LTN1: variants seen among roughly 807,000 people sequenced by gnomAD.
LTN1 encodes the protein listerin E3 ubiquitin protein ligase 1.
Under a neutral mutation model 201.2 loss-of-function variants are expected in LTN1, and 88 were observed. That is an observed-to-expected ratio of 0.44 (90% CI 0.37 to 0.52). The LOEUF is 0.52. Ranked by LOEUF, LTN1 falls within the 20% of genes least tolerant of loss-of-function variation. The pLI is 0.00. For missense variants in LTN1, 1,752 were observed against 2,038.7 expected, an observed-to-expected ratio of 0.86 and a Z score of 2.71; for synonymous variants, 645 against 713.5, an observed-to-expected ratio of 0.90 and a Z score of 1.53.
chr21:28,943,460 T>C, intron 23 of LTN1, 124 bp from the exon 24 acceptor site: 1 of 693,882 alleles, frequency 1.4e-6, no homozygotes, highest in Non-Finnish European at 2.4e-6. Context: ...TTCTTTAAAA[T>C]AACTACTATA....
intron 26 of LTN1, among the ~76,000 whole-genome samples, chr21:28,936,194 T>A (rs534863017): frequency 6.6e-6 from 1 of 152,222 alleles, no homozygotes; most frequent in African/African-American, 2.4e-5. Context: ...TCAGCTCACA[T>A]GTGAGCTCCC....
chr21:28,970,652 T>A lies in LTN1; in HGVS notation c.1075A>T (p.Ile359Leu). The change falls in exon 8 of 30, where the codon ATA (isoleucine) becomes TTA (leucine). Residue 359 changes from isoleucine to leucine, a missense_variant. Transcript: ENST00000361371. Reference sequence around the variant, plus strand: ...ATGAATGGCAGAAGGTAAGGATATATGACAGTAGCTAGACCCCGACCACCT... The same window carrying A: ...ATGAATGGCAGAAGGTAAGGATATAAGACAGTAGCTAGACCCCGACCACCT... ...REGGRGLATV[I>L]YPYLLPFISK... is the part of the protein sequence containing the mutation. The A allele has an allele frequency of 6.2e-7, 1 of 1,613,872 alleles. No homozygotes were observed. Among genetic ancestry groups the A allele is most frequent in the Non-Finnish European group, 8.5e-7 (1 of 1,179,782 alleles).
Position 28,959,451 on chromosome 21 carries a change from C to G in LTN1, c.2593+7G>C. 1.2e-6 allele frequency: 2 copies of G among 1,611,610 alleles called. No individual in the cohort carries two copies. Among genetic ancestry groups the G allele is most frequent in the Non-Finnish European group, 1.7e-6 (2 of 1,178,424 alleles). The stretch of plus-strand genomic sequence containing the variant: ...CCCAACAAAACATTTGAGCAGTAGG[C>G]TATTACCTGGCAAATGTGTTTTTTC... On this transcript the variant is annotated splice_region_variant and intron_variant, in intron 13 of 29. Transcript: ENST00000361371.
rs201222874 is a variant in LTN1, at chr21:28,967,072, C to G, written c.1419G>C (p.Thr473=). 1.3e-4 allele frequency: 217 copies of G among 1,613,952 alleles called. No homozygotes were observed. Among genetic ancestry groups the G allele is most frequent in the Non-Finnish European group, 1.8e-4 (210 of 1,179,998 alleles). The change falls in exon 10 of 30, where the codon ACG becomes ACC. Residue 473 remains threonine, a synonymous_variant. Coordinates refer to ENST00000361371, the MANE Select transcript of LTN1 (RefSeq NM_015565.3). ...TLSSWEAKAD[T]EKDEKTAHNL... ...TGTGAGCTGTTTTTTCATCTTTTTC[C>G]GTGTCTGCTTTGGCTTCCCAGGAAC... is the stretch of plus-strand genomic sequence containing the variant.
rs765432022 is a variant in LTN1 at position 28,975,396 on chromosome 21, A to G, written c.811-3952T>C. ...CCCATAAACATATTAAAAGATATTC[A>G]ACATCATTAGTCATCAGGGAAATGC... On this transcript the variant is annotated intron_variant, in intron 6 of 29. Transcript: ENST00000361371. Among the ~76,000 whole-genome samples the G allele has an allele frequency of 4.7e-4, 71 of 152,250 alleles. 1 individual carries two copies. The highest frequency in any genetic ancestry group is 5.0e-4 in the Non-Finnish European group (34 of 68,050).
chr21:28,957,169 G>A (rs1044719673), intron 15 of LTN1, among the ~76,000 whole-genome samples, 163 bp downstream of exon 15: 7 of 152,136 alleles, frequency 4.6e-5, no homozygotes, highest in Non-Finnish European at 7.4e-5. Flanking sequence ...GTCAAATGGT[G>A]TCTTGCAAAA....
intron 12 of LTN1, among the ~76,000 whole-genome samples, chr21:28,960,134 A>G (rs1290250858): frequency 6.6e-6 from 1 of 152,186 alleles, no homozygotes; most frequent in Admixed American, 6.5e-5. Flanking sequence ...TGGGAGGCTG[A>G]GGCAGACAGA....
rs779914761 is a variant in LTN1, at chr21:28,932,572, A to C, written c.4968T>G (p.Tyr1656Ter). Residue 1656 changes from tyrosine (Y) to a stop codon, truncating the protein, a stop_gained, in exon 28 of 30, where the codon TAT (tyrosine) becomes TAG (stop). Transcript: ENST00000361371. LOFTEE classifies it high-confidence loss of function. ...IELIIQLPSN[Y>*]PLGSIIVESG... ...TTTCTACTATTATTGAACCCAGTGGATAATTTGAAGGCAGTTGTATTATAA... is the reference window on the plus strand; with the variant it reads ...TTTCTACTATTATTGAACCCAGTGGCTAATTTGAAGGCAGTTGTATTATAA... The C allele has an allele frequency of 8.7e-6, 14 of 1,613,696 alleles. No individual in the cohort carries two copies. The highest frequency in any genetic ancestry group is 1.2e-5 in the Non-Finnish European group (14 of 1,179,614).
chr21:28,972,214 A>C (rs1465398851), intron 6 of LTN1, among the ~76,000 whole-genome samples: 1 of 152,168 alleles, frequency 6.6e-6, no homozygotes, highest in East Asian at 1.9e-4. Flanking sequence ...AGCAACCCTC[A>C]CCAGACACTG....
chr21:28,952,043 T>C, intron 18 of LTN1, 117 bp downstream of exon 18: 1 of 585,272 alleles, frequency 1.7e-6, no homozygotes, highest in Non-Finnish European at 3.0e-6. Flanking sequence ...AAGTCGTTAA[T>C]TTCCTCATTT....
chr21:28,968,994 G>C (rs1368853086), intron 9 of LTN1, among the ~76,000 whole-genome samples: 1 of 151,758 alleles, frequency 6.6e-6, no homozygotes, highest in Non-Finnish European at 1.5e-5. Flanking sequence ...GCCGAGGCGG[G>C]TAGATCACCT....
At chr21:28,950,706 G>A (rs1035995447) in intron 18 of LTN1, among the ~76,000 whole-genome samples, 1 of 152,104 alleles carries the variant, frequency 6.6e-6, no homozygotes, top group Non-Finnish European at 1.5e-5. Flanking sequence ...TTGTAGAGAT[G>A]TTTCGCCATG....
intron 28 of LTN1, among the ~76,000 whole-genome samples, chr21:28,932,216 T>C (rs900875131): frequency 1.3e-5 from 2 of 152,296 alleles, no homozygotes; most frequent in Admixed American, 6.5e-5. Context: ...GAAACAATTT[T>C]GTTAATACAC....
At chr21:28,966,272 T>C (rs2146297800) in intron 10 of LTN1, 98 bp downstream of exon 10, 2 of 1,015,192 alleles carry the variant, frequency 2.0e-6, no homozygotes, top group South Asian at 3.3e-5. Context: ...TGTCCTAAAA[T>C]TGACACTCAC....
intron 15 of LTN1, 123 bp downstream of exon 15, chr21:28,957,209 G>T: frequency 1.0e-6 from 1 of 971,558 alleles, no homozygotes; most frequent in Non-Finnish European, 1.5e-6. Flanking sequence ...AGCATACAAA[G>T]ACATCAAAGC....
intron 16 of LTN1, among the ~76,000 whole-genome samples, chr21:28,955,644 G>C (rs2084418607): frequency 6.6e-6 from 1 of 151,792 alleles, no homozygotes; most frequent in Admixed American, 6.6e-5. Flanking sequence ...AAAGAATGAG[G>C]CCAGGCACGG....
At chr21:28,974,002 C>A (rs1003749198) in intron 6 of LTN1, among the ~76,000 whole-genome samples, 14 of 151,906 alleles carry the variant, frequency 9.2e-5, no homozygotes, top group Admixed American at 4.6e-4. Flanking sequence ...GCAAAAAAAA[C>A]CTCTAAATCC....
chr21:28,932,067 T>C (rs1465935219), intron 28 of LTN1, among the ~76,000 whole-genome samples: 1 of 152,222 alleles, frequency 6.6e-6, no homozygotes, highest in Non-Finnish European at 1.5e-5. Context: ...GAACTGAAGA[T>C]TTAAAATGTG....
rs1469130407 is a variant in LTN1, at chr21:28,986,776, C to CT, written c.200_201insA (p.Met67IlefsTer50). 1 of 1,613,992 alleles carries CT rather than the reference C, an allele frequency of 6.2e-7. No homozygotes were observed. Among genetic ancestry groups the CT allele is most frequent in the Non-Finnish European group, 8.5e-7 (1 of 1,179,932 alleles). On this transcript the variant is annotated frameshift_variant, in exon 2 of 30. Transcript: ENST00000361371. LOFTEE classifies it high-confidence loss of function. This position sits in a 1 kb window ranked among gnomAD's most constrained non-coding sequence, Gnocchi z 4.1. ...CTTTCTTTGAAAGTTTCCGCAGCACCATTCGGAAATCAGAATCTACAAGAC... is the reference window on the plus strand; with the variant it reads ...CTTTCTTTGAAAGTTTCCGCAGCACCTATTCGGAAATCAGAATCTACAAGAC...
Sources: allele counts gnomAD v4.1 joint callset (sites outside exome capture counted in the v4.1 genomes callset), GRCh38; gene constraint gnomAD v4.1.1; non-coding constraint Gnocchi (gnomAD v3.1); transcripts MANE v1.5; gene names NCBI Gene and HGNC (gene_info 2026-07-23, HGNC 2026-07-21).